The following MYO3B variants were observed in gnomAD, a reference collection of about 807,000 sequenced individuals.
MYO3B encodes the protein myosin IIIB, also known as myosin-IIIb.
MYO3B carries 156 observed loss-of-function variants against 174.6 expected under a neutral mutation model. The observed-to-expected ratio is 0.89, with a 90% CI of 0.78 to 1.02. The LOEUF (loss-of-function observed/expected upper bound fraction) is 1.02. MYO3B is among the 50% of genes least tolerant of loss of function. The pLI, the probability that MYO3B is intolerant of heterozygous loss-of-function variation, is 0.00. For missense variants in MYO3B, 1,632 were observed against 1,639.4 expected (o/e 1.00, Z 0.08); for synonymous variants, 563 against 569.1 (o/e 0.99, Z 0.15).
intron 1 of MYO3B, 26 bp from the exon 2 acceptor site, chr2:170,199,182 A>C: frequency 6.5e-7 from 1 of 1,547,142 alleles, no homozygotes; most frequent in Non-Finnish European, 8.8e-7. Flanking sequence ...GATCTGTTGC[A>C]CATAACAAAT....
At chr2:170,522,741 T>C (rs898370527) in intron 30 of MYO3B, among the ~76,000 whole-genome samples, 1 of 152,184 alleles carries the variant, frequency 6.6e-6, no homozygotes, top group Admixed American at 6.5e-5. Flanking sequence ...CCTTCCTCTC[T>C]TCTCTCTGCC....
At chr2:170,378,608 C>A (rs2094311630) in intron 9 of MYO3B, among the ~76,000 whole-genome samples, 1 of 152,168 alleles carries the variant, frequency 6.6e-6, no homozygotes, top group African/African-American at 2.4e-5. Context: ...GAAGTTATAT[C>A]TGTGAGACAG....
intron 22 of MYO3B, among the ~76,000 whole-genome samples, chr2:170,419,475 C>G (rs76042979): frequency 0.012 from 1,891 of 152,284 alleles, 46 homozygotes; most frequent in African/African-American, 0.043. Context: ...TTACTGTCAC[C>G]TCTTTAAAAA....
chr2:170,319,498 A>G (rs997676513), intron 7 of MYO3B, among the ~76,000 whole-genome samples: 1 of 152,242 alleles, frequency 6.6e-6, no homozygotes, highest in African/African-American at 2.4e-5. Flanking sequence ...AGGGAAAAAA[A>G]GACATTGAAG....
At chr2:170,251,975 A>G (rs867571014) in intron 7 of MYO3B, among the ~76,000 whole-genome samples, 22 of 152,300 alleles carry the variant, frequency 1.4e-4, no homozygotes, top group Middle Eastern at 6.8e-3. Flanking sequence ...TCTTACTCCT[A>G]AGTTCAACTT....
At chr2:170,374,401 A>G (rs775464800) in intron 9 of MYO3B, among the ~76,000 whole-genome samples, 1 of 152,172 alleles carries the variant, frequency 6.6e-6, no homozygotes, top group Non-Finnish European at 1.5e-5. Flanking sequence ...GGGATTGTAG[A>G]ACTGAGATCC....
intron 3 of MYO3B, among the ~76,000 whole-genome samples, chr2:170,204,439 G>A: frequency 6.6e-6 from 1 of 152,196 alleles, no homozygotes; most frequent in Non-Finnish European, 1.5e-5. Flanking sequence ...CCTAGGTCTG[G>A]TGATTGTGTT....
chr2:170,408,993 T>C (rs1281388323), intron 22 of MYO3B, among the ~76,000 whole-genome samples: 1 of 152,170 alleles, frequency 6.6e-6, no homozygotes, highest in African/African-American at 2.4e-5. Context: ...GGTGTTTCCT[T>C]ACCAGAGACC....
intron 22 of MYO3B, among the ~76,000 whole-genome samples, chr2:170,442,733 A>G (rs1004975224): frequency 2.0e-5 from 3 of 152,062 alleles, no homozygotes; most frequent in Admixed American, 1.3e-4. Flanking sequence ...ATTCCCACCT[A>G]TGAGTGAGAA....
intron 8 of MYO3B, among the ~76,000 whole-genome samples, chr2:170,355,058 C>T (rs770644227): frequency 1.3e-5 from 2 of 152,064 alleles, no homozygotes; most frequent in Non-Finnish European, 2.9e-5. Flanking sequence ...AACCATCTCT[C>T]CAAAAAAGCA....
In MYO3B at chr2:170,622,572, CAT is replaced by C. The variant is rs1696019373; in HGVS notation, c.3734-29055_3734-29054del. On this transcript the variant is annotated intron_variant, in intron 32 of 34. Transcript: ENST00000408978. ...CATTCTTACATTCTTTTATAATATA[CAT>C]TTTTTTTTATTATTATACTTTAAGT... 2.8e-5 allele frequency among the ~76,000 whole-genome samples: 4 copies of C among 144,030 alleles called. No individual in the cohort carries two copies. In the South Asian group the frequency reaches 8.9e-4, roughly 32 times the overall value. 94.5% of individuals were successfully genotyped at this position (144,030 alleles called of 152,430 possible). A position where few individuals can be genotyped will look rare whatever the true frequency, so the allele number is the denominator to read the frequency against.
intron 25 of MYO3B, among the ~76,000 whole-genome samples, chr2:170,479,390 T>G (rs1685533808): frequency 6.8e-6 from 1 of 146,576 alleles, no homozygotes; most frequent in East Asian, 1.9e-4. Context: ...TAGAATATAA[T>G]TATATTATAT....
At chr2:170,594,804 G>A (rs1324309961) in intron 32 of MYO3B, among the ~76,000 whole-genome samples, 1 of 150,536 alleles carries the variant, frequency 6.6e-6, no homozygotes, top group Non-Finnish European at 1.5e-5. Flanking sequence ...TGCCCAATGA[G>A]TATGCACTCT....
chr2:170,255,902 G>T (rs551990818), intron 7 of MYO3B, among the ~76,000 whole-genome samples: 1 of 152,324 alleles, frequency 6.6e-6, no homozygotes, highest in Non-Finnish European at 1.5e-5. Flanking sequence ...AAAGCCAGTT[G>T]TTGATACAAG....
chr2:170,225,048 A>G (rs1369407794), intron 6 of MYO3B, among the ~76,000 whole-genome samples: 1 of 152,254 alleles, frequency 6.6e-6, no homozygotes, highest in Non-Finnish European at 1.5e-5. Context: ...ACAACACTAT[A>G]GAGTTGAATT....
intron 32 of MYO3B, among the ~76,000 whole-genome samples, chr2:170,635,719 G>C (rs143435684): frequency 6.6e-6 from 1 of 152,080 alleles, no homozygotes; most frequent in Non-Finnish European, 1.5e-5. Flanking sequence ...TCTAATCTGT[G>C]ATCAAAAGAA....
intron 32 of MYO3B, among the ~76,000 whole-genome samples, chr2:170,635,594 C>T (rs1281099092): frequency 2.0e-5 from 3 of 151,974 alleles, no homozygotes; most frequent in Non-Finnish European, 2.9e-5. Context: ...GTACATGTAC[C>T]CTAGAACTTA....
chr2:170,425,729 A>G (rs769717868), intron 22 of MYO3B, among the ~76,000 whole-genome samples: 3 of 152,240 alleles, frequency 2.0e-5, no homozygotes, highest in Non-Finnish European at 2.9e-5. Flanking sequence ...CAGCAATCCC[A>G]TCAGCTACTC....
intron 3 of MYO3B, among the ~76,000 whole-genome samples, chr2:170,209,853 CCT>C (rs2092753139): frequency 6.6e-6 from 1 of 152,124 alleles, no homozygotes; most frequent in African/African-American, 2.4e-5. Flanking sequence ...CAAAATATAA[CCT>C]AAATAATATT....
Sources: gnomAD v4.1 joint callset for allele counts (sites outside exome capture counted in the v4.1 genomes callset) on GRCh38, gnomAD v4.1.1 for gene constraint, MANE v1.5 for transcripts, NCBI Gene and HGNC (gene_info 2026-07-23, HGNC 2026-07-21) for gene names.